SGCD: variants seen among roughly 807,000 people sequenced by gnomAD.
SGCD encodes sarcoglycan delta, also known as delta-sarcoglycan.
In SGCD, 18 loss-of-function variants were observed where a neutral mutation model predicts 36.6. That is an observed-to-expected ratio of 0.49 (90% CI 0.34 to 0.73). SGCD has a LOEUF of 0.73. Among genes scored for constraint, SGCD ranks in the 30% least tolerant of loss-of-function variants. The pLI, the probability that SGCD is intolerant of heterozygous loss-of-function variation, is 0.01. For missense variants in SGCD, 387 were observed against 346.7 expected (o/e 1.12, Z -0.92); for synonymous variants, 133 against 130.6 (o/e 1.02, Z -0.12).
intron 1 of SGCD, among the ~76,000 whole-genome samples, chr5:156,047,679 G>A (rs72643425): frequency 0.13 from 19,320 of 151,896 alleles, 1,510 homozygotes; most frequent in Admixed American, 0.21. Context: ...ATATTCCTGC[G>A]CATTGACAAT....
chr5:156,052,284 G>A (rs755594090), intron 1 of SGCD, among the ~76,000 whole-genome samples: 1 of 146,188 alleles, frequency 6.8e-6, no homozygotes, highest in Non-Finnish European at 1.5e-5. Flanking sequence ...CGGGGGTAAG[G>A]GGTGAAGAGT....
intron 1 of SGCD, among the ~76,000 whole-genome samples, chr5:155,931,488 T>C (rs183742188): frequency 1.3e-5 from 2 of 152,312 alleles, no homozygotes; most frequent in East Asian, 3.9e-4. Flanking sequence ...TCATTTAATG[T>C]CATTTATACA....
chr5:156,271,774 C>G (rs1407226494), intron 3 of SGCD, among the ~76,000 whole-genome samples: 1 of 152,098 alleles, frequency 6.6e-6, no homozygotes, highest in Non-Finnish European at 1.5e-5. Context: ...CCCTTGCATA[C>G]AGTCTAAAGT....
intron 3 of SGCD, among the ~76,000 whole-genome samples, chr5:156,407,972 G>C (rs1772514495): frequency 6.6e-6 from 1 of 152,174 alleles, no homozygotes; most frequent in Non-Finnish European, 1.5e-5. Flanking sequence ...CTAAAGTGGA[G>C]GGTGGTGGCA....
intron 1 of SGCD, among the ~76,000 whole-genome samples, chr5:155,976,745 G>A (rs1242244489): frequency 2.0e-5 from 3 of 151,986 alleles, no homozygotes; most frequent in African/African-American, 7.3e-5. Context: ...AAGGCAACGG[G>A]TGTGTCCAGG....
intron 6 of SGCD, 70 bp downstream of exon 6, chr5:156,595,121 G>A: frequency 2.0e-6 from 3 of 1,514,590 alleles, no homozygotes; most frequent in Non-Finnish European, 8.9e-7. Context: ...GCAAAATGGT[G>A]TTATGAACAG....
At chr5:156,339,927 T>C (rs1447504775) in intron 2 of SGCD, among the ~76,000 whole-genome samples, 1 of 152,230 alleles carries the variant, frequency 6.6e-6, no homozygotes, top group African/African-American at 2.4e-5. Context: ...CCTTTAATTG[T>C]CTCTTCATAT....
chr5:156,018,642 A>AT (rs1759035315), intron 1 of SGCD, among the ~76,000 whole-genome samples: 1 of 152,214 alleles, frequency 6.6e-6, no homozygotes, highest in Non-Finnish European at 1.5e-5. Flanking sequence ...CAGTTGATAA[A>AT]TATCTCCCAT....
intron 2 of SGCD, among the ~76,000 whole-genome samples, chr5:156,333,235 A>G (rs977051381): frequency 1.3e-5 from 2 of 152,188 alleles, no homozygotes; most frequent in Non-Finnish European, 2.9e-5. Context: ...TTGAATCACT[A>G]TAGAAGGATG....
the SGCD span, among the ~76,000 whole-genome samples, chr5:155,728,009 C>T: frequency 1.3e-5 from 2 of 152,302 alleles, no homozygotes; most frequent in South Asian, 4.1e-4. Flanking sequence ...GCTCCCCCCA[C>T]CCCGCCCGCG....
At chr5:156,028,445 A>C (rs2127574979) in intron 1 of SGCD, among the ~76,000 whole-genome samples, 1 of 152,274 alleles carries the variant, frequency 6.6e-6, no homozygotes, top group South Asian at 2.1e-4. Context: ...CCAGTTATTT[A>C]CCCTCTAATA....
intron 1 of SGCD, among the ~76,000 whole-genome samples, chr5:155,879,486 C>T (rs115755583): frequency 0.017 from 2,550 of 152,126 alleles, 85 homozygotes; most frequent in African/African-American, 0.056. Context: ...ATTTACCCCT[C>T]AAAGATAGGT....
At chr5:156,630,093 C>T (rs1010462906) in intron 6 of SGCD, among the ~76,000 whole-genome samples, 2 of 151,980 alleles carry the variant, frequency 1.3e-5, no homozygotes, top group Non-Finnish European at 2.9e-5. Flanking sequence ...AAACTCCTGA[C>T]CTCAGGTGAT....
rs565275692 is a variant in SGCD, at chr5:156,016,746, G to A, written c.-281-101132G>A. ...GAGATCTTCCTTATTCTTCTTTGTA[G>A]TTGCTGGGTTCCTCATTTGTGTATG... On this transcript the variant is annotated intron_variant, in intron 1 of 9. Transcript: ENST00000517913. 2.6e-5 allele frequency among the ~76,000 whole-genome samples: 4 copies of A among 152,184 alleles called. No homozygotes were observed. In the South Asian group the frequency reaches 8.3e-4, roughly 32 times the overall value.
chr5:156,684,153 G>C (rs1753821081), intron 7 of SGCD, among the ~76,000 whole-genome samples: 1 of 152,120 alleles, frequency 6.6e-6, no homozygotes, highest in Admixed American at 6.5e-5. Context: ...TTCCACATAA[G>C]ATGTTATGAA....
At chr5:156,547,971 C>T (rs887450570) in intron 4 of SGCD, among the ~76,000 whole-genome samples, 2 of 152,180 alleles carry the variant, frequency 1.3e-5, no homozygotes, top group African/African-American at 4.8e-5. Flanking sequence ...ACAGGGTCAT[C>T]ATGGACTCAG....
At chr5:156,344,880 C>T (rs1043209306) in intron 3 of SGCD, among the ~76,000 whole-genome samples, 1 of 152,184 alleles carries the variant, frequency 6.6e-6, no homozygotes, top group Admixed American at 6.5e-5. Context: ...GGGGCTAATA[C>T]TCCAACTTAA....
chr5:156,480,126 C>T (rs1052843345), intron 3 of SGCD, among the ~76,000 whole-genome samples: 2 of 152,194 alleles, frequency 1.3e-5, no homozygotes, highest in African/African-American at 4.8e-5. Flanking sequence ...AGCATGTTCC[C>T]TTGGTCTTGA....
At chr5:156,534,060 C>T (rs560988734) in intron 4 of SGCD, among the ~76,000 whole-genome samples, 10 of 152,064 alleles carry the variant, frequency 6.6e-5, no homozygotes, top group South Asian at 6.2e-4. Context: ...GTGGTTTTTT[C>T]GGTCAGTATT....
Sources: allele counts gnomAD v4.1 joint callset (sites outside exome capture counted in the v4.1 genomes callset), GRCh38; gene constraint gnomAD v4.1.1; transcripts MANE v1.5; gene names NCBI Gene and HGNC (gene_info 2026-07-23, HGNC 2026-07-21).